RBFOX1: variants seen among roughly 807,000 people sequenced by gnomAD.
The protein encoded by RBFOX1 is RNA binding protein fox-1 homolog 1.
RBFOX1 carries 8 observed loss-of-function variants against 57.7 expected under a neutral mutation model. The observed-to-expected ratio is 0.14, with a 90% CI of 0.08 to 0.25. The LOEUF is 0.25. Among genes scored for constraint, RBFOX1 ranks in the 10% least tolerant of loss-of-function variants. RBFOX1 has a pLI of 1.00. For missense variants in RBFOX1, 611 were observed against 548.5 expected, an observed-to-expected ratio of 1.11 and a Z score of -1.14; for synonymous variants, 326 against 222.4, an observed-to-expected ratio of 1.47 and a Z score of -4.15.
At chr16:6,789,336 A>T (rs1263332916) in intron 3 of RBFOX1, among the ~76,000 whole-genome samples, 1 of 152,140 alleles carries the variant, frequency 6.6e-6, no homozygotes, top group Non-Finnish European at 1.5e-5. Context: ...CAAGGTGGTG[A>T]GTTTCCGCTT....
intron 3 of RBFOX1, among the ~76,000 whole-genome samples, chr16:6,900,261 A>C (rs1022798613): frequency 1.3e-5 from 2 of 152,176 alleles, no homozygotes; most frequent in Non-Finnish European, 2.9e-5. Flanking sequence ...CATAATATTC[A>C]AAGTCAATAT....
At chr16:7,011,004 T>G (rs2093628600) in intron 3 of RBFOX1, among the ~76,000 whole-genome samples, 1 of 152,222 alleles carries the variant, frequency 6.6e-6, no homozygotes, top group Admixed American at 6.5e-5. Context: ...ATATTTTGTT[T>G]GTTGTTTGTT....
intron 4 of RBFOX1, among the ~76,000 whole-genome samples, chr16:7,075,286 T>C (rs964663684): frequency 1.3e-5 from 2 of 152,300 alleles, no homozygotes; most frequent in East Asian, 3.9e-4. Context: ...ATGCAAGCAG[T>C]TATTGGTTTT....
chr16:6,167,891 C>T (rs2152758870), intron 1 of RBFOX1, among the ~76,000 whole-genome samples: 1 of 152,160 alleles, frequency 6.6e-6, no homozygotes, highest in African/African-American at 2.4e-5. Flanking sequence ...AGTTGCTTGT[C>T]CTTTTAAAAA....
intron 2 of RBFOX1, among the ~76,000 whole-genome samples, chr16:6,441,593 A>C (rs2094383445): frequency 6.6e-6 from 1 of 151,734 alleles, no homozygotes; most frequent in Non-Finnish European, 1.5e-5. Context: ...ATCTTTTGTA[A>C]TTTTAGTACA....
intron 3 of RBFOX1, among the ~76,000 whole-genome samples, chr16:6,776,733 G>A (rs986822435): frequency 6.6e-6 from 1 of 152,196 alleles, no homozygotes; most frequent in African/African-American, 2.4e-5. Flanking sequence ...CTGTGACTGA[G>A]CCACACTAGG....
At chr16:6,350,499 A>C (rs1041932332) in intron 2 of RBFOX1, among the ~76,000 whole-genome samples, 10 of 130,976 alleles carry the variant, frequency 7.6e-5, no homozygotes, top group South Asian at 7.3e-4. Flanking sequence ...AAAAAAAAAA[A>C]CAGTGTTCTC....
At chr16:6,704,465 C>G (rs913271597) in intron 3 of RBFOX1, 1 of 152,316 alleles carries the variant, frequency 6.6e-6, no homozygotes, top group African/African-American at 2.4e-5. Flanking sequence ...GGACTTTCCT[C>G]TTCACAGCAG....
At chr16:6,884,122 C>G (rs1030587014) in intron 3 of RBFOX1, among the ~76,000 whole-genome samples, 8 of 152,214 alleles carry the variant, frequency 5.3e-5, no homozygotes, top group African/African-American at 1.2e-4. Flanking sequence ...AGAGAGGCAT[C>G]TGATGCTCGA....
At chr16:5,348,298 T>C (rs754505691) in intron 1 of RBFOX1, among the ~76,000 whole-genome samples, 18 of 152,200 alleles carry the variant, frequency 1.2e-4, no homozygotes, top group Non-Finnish European at 2.4e-4. Flanking sequence ...CAAATGTTTA[T>C]TGAATACATA....
At chr16:5,638,515 A>C (rs913776262) in intron 3 of RBFOX1, among the ~76,000 whole-genome samples, 1 of 151,978 alleles carries the variant, frequency 6.6e-6, no homozygotes, top group Admixed American at 6.6e-5. Flanking sequence ...CTCACCTGCC[A>C]CCCCCAGTCC....
chr16:5,503,460 G>A (rs1228824049), intron 2 of RBFOX1, among the ~76,000 whole-genome samples: 1 of 152,160 alleles, frequency 6.6e-6, no homozygotes, highest in Non-Finnish European at 1.5e-5. Context: ...TTTTTGAGAC[G>A]GAGTCTTGCT....
At chr16:5,674,787 A>T (rs147936722) in intron 3 of RBFOX1, among the ~76,000 whole-genome samples, 18 of 152,290 alleles carry the variant, frequency 1.2e-4, no homozygotes, top group African/African-American at 4.3e-4. Context: ...CTATGGTGAA[A>T]ATCTGTTGGA....
intron 2 of RBFOX1, among the ~76,000 whole-genome samples, chr16:6,563,473 C>T (rs2097211955): frequency 1.3e-5 from 2 of 152,034 alleles, no homozygotes; most frequent in East Asian, 1.9e-4. Context: ...TTTGGTGCAT[C>T]CCTAGAGCCC....
intron 3 of RBFOX1, among the ~76,000 whole-genome samples, chr16:7,022,857 A>C (rs978044440): frequency 2.6e-5 from 4 of 152,186 alleles, no homozygotes; most frequent in Admixed American, 6.5e-5. Context: ...AATTTGAACA[A>C]CTGCCTCCAA....
At chr16:6,100,451 C>T (rs2096291880) in intron 1 of RBFOX1, among the ~76,000 whole-genome samples, 1 of 152,182 alleles carries the variant, frequency 6.6e-6, no homozygotes, top group African/African-American at 2.4e-5. Flanking sequence ...CATGAGCCAC[C>T]GCGCCCGGCC....
intron 3 of RBFOX1, among the ~76,000 whole-genome samples, chr16:6,829,102 C>A (rs1038147728): frequency 1.3e-5 from 2 of 152,074 alleles, no homozygotes; most frequent in African/African-American, 4.8e-5. Flanking sequence ...CTCCCCAAGC[C>A]CACTAGTATC....
At chr16:5,681,147 C>T (rs1263962799) in intron 3 of RBFOX1, among the ~76,000 whole-genome samples, 1 of 152,020 alleles carries the variant, frequency 6.6e-6, no homozygotes, top group African/African-American at 2.4e-5. Flanking sequence ...GATCTCGGCT[C>T]ACTGCAAGCT....
chr16:5,719,476 C>G (rs994290719), intron 3 of RBFOX1, among the ~76,000 whole-genome samples: 2 of 151,878 alleles, frequency 1.3e-5, no homozygotes, highest in Non-Finnish European at 2.9e-5. Flanking sequence ...TCCCAAAGTG[C>G]TGGGATTGCA....
Sources: allele counts gnomAD v4.1 joint callset (sites outside exome capture counted in the v4.1 genomes callset), GRCh38; gene constraint gnomAD v4.1.1; transcripts MANE v1.5; gene names NCBI Gene and HGNC (gene_info 2026-07-23, HGNC 2026-07-21).